Variants in CDC34 observed in about 807,000 individuals in gnomAD.
The protein encoded by CDC34 is ubiquitin-conjugating enzyme E2 R1.
A neutral mutation model predicts 26.8 loss-of-function variants in CDC34; 18 were observed. The ratio of observed to expected loss-of-function variants is 0.67; its 90% confidence interval spans 0.47 to 1.00. CDC34 has a LOEUF of 1.00. Ranked by LOEUF, CDC34 falls within the 50% of genes least tolerant of loss-of-function variation. CDC34 has a pLI of 0.00. For synonymous variants in CDC34, 178 were observed against 147.5 expected, an observed-to-expected ratio of 1.21 and a Z score of -1.50; for missense variants, 280 against 334.5, an observed-to-expected ratio of 0.84 and a Z score of 1.27.
chr19:532,015 C>T lies in CDC34; in HGVS notation c.84C>T (p.Phe28=), dbSNP rs908600490. ...KGLQEEPVEG[F]RVTLVDEGDL... Reference sequence around the variant, plus strand: ...TGCAGGAAGAGCCGGTCGAGGGATTCCGCGTGACACTGGTGGACGAGGGCG... The same window carrying T: ...TGCAGGAAGAGCCGGTCGAGGGATTTCGCGTGACACTGGTGGACGAGGGCG... Residue 28 remains phenylalanine (F), a synonymous_variant, in exon 1 of 5, where the codon TTC becomes TTT. Transcript: ENST00000215574. 2.6e-6 allele frequency: 4 copies of T among 1,511,476 alleles called. No homozygotes were observed. Among genetic ancestry groups the T allele is most frequent in the South Asian group, 1.3e-5 (1 of 77,296 alleles). The allele number at this position is 1,511,476 out of a possible 1,614,324, so 93.6% of individuals were successfully genotyped here.
intron 1 of CDC34, 145 bp downstream of exon 1, chr19:532,253 A>C (rs1979523490): frequency 3.6e-6 from 2 of 558,146 alleles, no homozygotes; most frequent in Non-Finnish European, 3.0e-6. Context: ...TTCTATGGCC[A>C]CGTTCCCCCA....
At chr19:536,982 G>A (rs1568330735) in intron 3 of CDC34, 31 bp from the exon 4 acceptor site, 3 of 1,612,834 alleles carry the variant, frequency 1.9e-6, no homozygotes, top group Non-Finnish European at 2.5e-6. Flanking sequence ...GGTGCCCCGG[G>A]CCGCCCCACT....
At position 536,254 on chromosome 19, in the gene CDC34, G is replaced by A; in HGVS notation, c.276G>A (p.Val92=). 1 of 1,606,096 alleles carries A rather than the reference G, an allele frequency of 6.2e-7. No homozygotes were observed. The highest frequency in any genetic ancestry group is 8.5e-7 in the Non-Finnish European group (1 of 1,176,986). ...TTCTTCTTGTGCAGACGGGGGACGT[G>A]TGTATCTCCATCCTCCACCCGCCGG... ...WHPNIYETGD[V]CISILHPPVD... is the part of the protein sequence containing the mutation. The change falls in exon 3 of 5, where the codon GTG becomes GTA. Residue 92 remains valine (V), a synonymous_variant. Coordinates refer to ENST00000215574, the MANE Select transcript of CDC34 (RefSeq NM_004359.2).
chr19:541,331 C>A lies in CDC34; in HGVS notation c.498-8C>A. Reference sequence around the variant, plus strand: ...TGGGTGGCGCCCTCACCCACCCTGTCCCCCCAGGAAGCAGGTCCTGGGGAC... The same window carrying A: ...TGGGTGGCGCCCTCACCCACCCTGTACCCCCAGGAAGCAGGTCCTGGGGAC... On this transcript the variant is annotated splice_region_variant and splice_polypyrimidine_tract_variant and intron_variant, in intron 4 of 4. Coordinates refer to ENST00000215574, the MANE Select transcript of CDC34 (RefSeq NM_004359.2). 3.2e-6 allele frequency: 5 copies of A among 1,550,912 alleles called. No homozygotes were observed. The highest frequency in any genetic ancestry group is 4.3e-6 in the Non-Finnish European group (5 of 1,151,238).
intron 1 of CDC34, 88 bp downstream of exon 1, chr19:532,196 C>G: frequency 8.8e-7 from 1 of 1,130,576 alleles, no homozygotes. Context: ...GGTCCTAGCG[C>G]TGTTGCTGGG....
chr19:541,260 T>C (rs12608630), intron 4 of CDC34, 79 bp from the exon 5 acceptor site: 94,367 of 1,449,824 alleles, frequency 0.065, 8,169 homozygotes, highest in African/African-American at 0.36. Flanking sequence ...GGGGTGAGCG[T>C]CGGACCTGGG....
Position 541,618 on chromosome 19 carries a change from G to C in CDC34, c.*66G>C. On this transcript the variant is annotated 3_prime_UTR_variant, in exon 5 of 5. Transcript: ENST00000215574. ...CGGACCCGTGGCTCCTTAGACGACA[G>C]ACTACCTCACGGAGGTTTTGTGCTG... 1 of 1,481,746 alleles carries C rather than the reference G, an allele frequency of 6.7e-7. No homozygotes were observed. The highest frequency in any genetic ancestry group is 9.0e-7 in the Non-Finnish European group (1 of 1,112,056). 91.8% of individuals were successfully genotyped at this position (1,481,746 alleles called of 1,614,324 possible).
chr19:541,063 G>T (rs1388148517), intron 4 of CDC34, among the ~76,000 whole-genome samples: 1 of 152,228 alleles, frequency 6.6e-6, no homozygotes, highest in Non-Finnish European at 1.5e-5. Flanking sequence ...CTCCTGATGG[G>T]TCCCTTGGGT....
At chr19:539,581 GCTGT>G (rs888464422) in intron 4 of CDC34, among the ~76,000 whole-genome samples, 1 of 152,192 alleles carries the variant, frequency 6.6e-6, no homozygotes, top group African/African-American at 2.4e-5. Context: ...TGGGCTTGGG[GCTGT>G]CTGTCTGCTC....
intron 1 of CDC34, among the ~76,000 whole-genome samples, chr19:535,494 G>A (rs767726309): frequency 3.9e-5 from 6 of 152,244 alleles, no homozygotes; most frequent in Non-Finnish European, 8.8e-5. Context: ...GCTGGTGGGT[G>A]CCCCTGGCCT....
intron 1 of CDC34, among the ~76,000 whole-genome samples, chr19:533,152 C>T (rs1236947557): frequency 6.6e-6 from 1 of 152,178 alleles, no homozygotes; most frequent in Non-Finnish European, 1.5e-5. Context: ...GTTCAGGGAC[C>T]TCGTTCTTGG....
In CDC34 at chr19:531,894, C is replaced by G; in HGVS notation, c.-38C>G. 3 of 1,315,358 alleles carry G rather than the reference C, an allele frequency of 2.3e-6. No homozygotes were observed. The highest frequency in any genetic ancestry group is 3.2e-5 in the East Asian group (1 of 31,056). The allele number at this position is 1,315,358 out of a possible 1,614,324, so 81.5% of individuals were successfully genotyped here. ...CGCGAACTCGCGGTGGTCGCGCGGC[C>G]CCGCGCTGCTCCGACCCCGGGCCCC... On this transcript the variant is annotated 5_prime_UTR_variant, in exon 1 of 5. Coordinates refer to ENST00000215574, the MANE Select transcript of CDC34 (RefSeq NM_004359.2).
rs1212868010 is a variant in CDC34, at chr19:536,293, GA to G, written c.316del (p.Ser106AlafsTer20). On this transcript the variant is annotated frameshift_variant, in exon 3 of 5. Coordinates refer to ENST00000215574, the MANE Select transcript of CDC34 (RefSeq NM_004359.2). LOFTEE classifies it high-confidence loss of function. ...ILHPPVDDPQSGELPSERWNP... is the reference protein window; with the variant it reads ...ILHPPVDDPQXGELPSERWNP... The stretch of plus-strand genomic sequence containing the variant: ...TCCACCCGCCGGTGGACGACCCCCA[GA>G]GCGGGGAGCTGCCCTCAGAGAGGTG... The G allele has an allele frequency of 6.2e-7, 1 of 1,612,432 alleles. No homozygotes were observed.
At position 541,870 on chromosome 19, in the gene CDC34, G is replaced by A. The variant is rs1305946239; in HGVS notation, c.*318G>A. 3 of 210,436 alleles carry A rather than the reference G, an allele frequency of 1.4e-5. No homozygotes were observed. The highest frequency in any genetic ancestry group is 2.3e-5 in the African/African-American group (1 of 43,538). The allele number at this position is 210,436 out of a possible 1,614,324, so 13.0% of individuals were successfully genotyped here. On this transcript the variant is annotated 3_prime_UTR_variant, in exon 5 of 5. Coordinates refer to ENST00000215574, the MANE Select transcript of CDC34 (RefSeq NM_004359.2). Reference sequence around the variant, plus strand: ...CCAGCTTCCGGACTGGCCGCACCCCGGAGGAGCCACGGGGGCGCTGCTGGG... The same window carrying A: ...CCAGCTTCCGGACTGGCCGCACCCCAGAGGAGCCACGGGGGCGCTGCTGGG...
intron 1 of CDC34, among the ~76,000 whole-genome samples, chr19:533,314 G>A (rs17841735): frequency 0.029 from 4,447 of 152,314 alleles, 170 homozygotes; most frequent in Admixed American, 0.13. Flanking sequence ...GCCAGCTGCG[G>A]GCGTGGGGCC....
intron 1 of CDC34, 85 bp from the exon 2 acceptor site, chr19:535,752 G>C (rs1568330047): frequency 2.0e-6 from 2 of 994,480 alleles, no homozygotes; most frequent in Admixed American, 3.4e-5. Flanking sequence ...CCAGCACTGG[G>C]AGTGGGATGG....
chr19:533,274 A>G (rs1303810031), intron 1 of CDC34, among the ~76,000 whole-genome samples: 3 of 152,044 alleles, frequency 2.0e-5, no homozygotes, highest in African/African-American at 4.8e-5. Context: ...ACACGACACG[A>G]CACTGCAGGG....
intron 3 of CDC34, 154 bp downstream of exon 3, chr19:536,494 G>T (rs533744115): frequency 1.6e-6 from 1 of 623,762 alleles, no homozygotes; most frequent in African/African-American, 1.8e-5. Context: ...CCTGGGCCTC[G>T]CTGTACCTGC....
At chr19:537,379 GTC>G (rs988146416) in intron 4 of CDC34, among the ~76,000 whole-genome samples, 3 of 152,110 alleles carry the variant, frequency 2.0e-5, no homozygotes, top group Admixed American at 6.5e-5. Flanking sequence ...TTGAGACAGA[GTC>G]TCTCTCTGTC....
Sources: allele counts gnomAD v4.1 joint callset (sites outside exome capture counted in the v4.1 genomes callset), GRCh38; gene constraint gnomAD v4.1.1; transcripts MANE v1.5; gene names NCBI Gene and HGNC (gene_info 2026-07-23, HGNC 2026-07-21).